Variants in EXOC6 observed in about 807,000 individuals in gnomAD.
EXOC6 encodes SEC15-like 1.
In EXOC6, 60 loss-of-function variants were observed where a neutral mutation model predicts 112.5. The ratio of observed to expected loss-of-function variants is 0.53; its 90% CI spans 0.43 to 0.66. The LOEUF (loss-of-function observed/expected upper bound fraction) is 0.66, where lower values mean the gene tolerates loss of function less well. Ranked by LOEUF, EXOC6 falls within the 30% of genes least tolerant of loss-of-function variation. The pLI is 0.00. For missense variants in EXOC6, 855 were observed against 957.1 expected, an observed-to-expected ratio of 0.89 and a Z score of 1.41; for synonymous variants, 295 against 308.0, an observed-to-expected ratio of 0.96 and a Z score of 0.44.
intron 1 of EXOC6, among the ~76,000 whole-genome samples, chr10:92,856,066 G>A (rs1035535798): frequency 1.3e-5 from 2 of 151,852 alleles, no homozygotes; most frequent in African/African-American, 2.4e-5. Context: ...GGTTTGCCAC[G>A]TTGGCCAGGC....
chr10:93,027,107 G>A (rs961924491), intron 20 of EXOC6, among the ~76,000 whole-genome samples: 4 of 152,196 alleles, frequency 2.6e-5, no homozygotes, highest in Non-Finnish European at 4.4e-5. Context: ...TTGCTGATAT[G>A]GAGAAAGTCC....
In EXOC6 at chr10:92,934,582, T is replaced by G. The variant is rs1589860765; in HGVS notation, c.1140+152T>G. The G allele has an allele frequency of 9.5e-6, 6 of 628,274 alleles. No homozygotes were observed. In the East Asian group the frequency reaches 2.0e-4, roughly 21 times the overall value. 38.9% of individuals were successfully genotyped at this position (628,274 alleles called of 1,614,324 possible). A position where few individuals can be genotyped will look rare whatever the true frequency, so the allele number is the denominator to read the frequency against. On this transcript the variant is annotated intron_variant, in intron 11 of 21. Transcript: ENST00000260762. ...GAAGTAGTAATGTCAGGCTTTTGTTTGGTAATATCAGACTATGATTTTGCA... is the reference window on the plus strand; with the variant it reads ...GAAGTAGTAATGTCAGGCTTTTGTTGGGTAATATCAGACTATGATTTTGCA...
chr10:92,955,381 T>A (rs1375429371), intron 16 of EXOC6, among the ~76,000 whole-genome samples, 199 bp from the exon 17 acceptor site: 6 of 149,352 alleles, frequency 4.0e-5, no homozygotes, highest in African/African-American at 1.3e-4. Flanking sequence ...TGTGTGTGTG[T>A]GTGTGTGTAT....
intron 17 of EXOC6, among the ~76,000 whole-genome samples, chr10:92,972,055 A>G (rs1325736941): frequency 6.6e-6 from 1 of 152,232 alleles, no homozygotes; most frequent in Non-Finnish European, 1.5e-5. Flanking sequence ...CTTAGTGGTC[A>G]TCTGGTGATT....
At chr10:92,866,380 TC>T (rs1277663202) in intron 1 of EXOC6, among the ~76,000 whole-genome samples, 1 of 152,126 alleles carries the variant, frequency 6.6e-6, no homozygotes, top group Non-Finnish European at 1.5e-5. Context: ...CTGAACACTT[TC>T]ATTAACATGT....
At chr10:92,881,740 A>G (rs907717697) in intron 1 of EXOC6, among the ~76,000 whole-genome samples, 3 of 152,132 alleles carry the variant, frequency 2.0e-5, no homozygotes, top group East Asian at 1.9e-4. Flanking sequence ...ATAATCCCCA[A>G]TAGTCATGAG....
At position 92,894,948 on chromosome 10, in the gene EXOC6, G is replaced by C. The variant is rs1307559248; in HGVS notation, c.340G>C (p.Asp114His). Reference sequence around the variant, plus strand: ...TTCTAAGGTGATAGTCCACACAGAAGATATCATTCGATGTAGAATTCAGCA... The same window carrying C: ...TTCTAAGGTGATAGTCCACACAGAACATATCATTCGATGTAGAATTCAGCA... ...AGKEVIVHTE[D>H]IIRCRIQQRN... is the part of the protein sequence containing the mutation. The change falls in exon 4 of 22, where the codon GAT becomes CAT. Residue 114 changes from aspartate (D) to histidine (H), a missense_variant. Asp to His is a moderately conservative substitution (Grantham distance 81, BLOSUM62 -1). Transcript: ENST00000260762. 6.2e-7 allele frequency: 1 copy of C among 1,611,962 alleles called. No homozygotes were observed. Among genetic ancestry groups the C allele is most frequent in the Non-Finnish European group, 8.5e-7 (1 of 1,178,280 alleles).
At chr10:92,829,309 T>C (rs1255209360) in intron 1 of EXOC6, among the ~76,000 whole-genome samples, 5 of 152,146 alleles carry the variant, frequency 3.3e-5, no homozygotes, top group Non-Finnish European at 5.9e-5. Context: ...CTCAAGCCTG[T>C]CTATAAAATC....
intron 20 of EXOC6, among the ~76,000 whole-genome samples, chr10:93,029,978 G>A (rs541797573): frequency 1.5e-4 from 23 of 150,926 alleles, no homozygotes; most frequent in South Asian, 1.0e-3. Context: ...GCGCGATCTC[G>A]GCTCACTGCA....
At chr10:92,956,182 T>C (rs563365011) in intron 17 of EXOC6, among the ~76,000 whole-genome samples, 8 of 152,236 alleles carry the variant, frequency 5.3e-5, no homozygotes, top group African/African-American at 1.9e-4. Flanking sequence ...TTGAATAATA[T>C]ACAGAATATA....
intron 1 of EXOC6, among the ~76,000 whole-genome samples, chr10:92,858,030 T>C (rs2422062): frequency 0.75 from 88,350 of 117,762 alleles, 35,531 homozygotes; most frequent in East Asian, 0.99. Context: ...GTTCCCCCCC[T>C]CCGCCGGCCA....
intron 20 of EXOC6, among the ~76,000 whole-genome samples, chr10:93,043,407 TC>T (rs1389603495): frequency 1.3e-5 from 2 of 152,216 alleles, no homozygotes; most frequent in Non-Finnish European, 2.9e-5. Context: ...AAAGAATACT[TC>T]CAGTTTTCTT....
upstream of EXOC6, among the ~76,000 whole-genome samples, chr10:92,833,443 G>A (rs1422696238): frequency 6.6e-6 from 1 of 152,198 alleles, no homozygotes; most frequent in Non-Finnish European, 1.5e-5. Context: ...GAACTCACAT[G>A]CTGTTATTTT....
intron 18 of EXOC6, among the ~76,000 whole-genome samples, chr10:92,989,081 T>C (rs1211784213): frequency 6.6e-6 from 1 of 152,238 alleles, no homozygotes; most frequent in Non-Finnish European, 1.5e-5. Context: ...GTTTGTAGAC[T>C]TGCCTTCTTT....
intron 20 of EXOC6, among the ~76,000 whole-genome samples, chr10:93,022,395 A>G (rs1844829810): frequency 6.6e-6 from 1 of 152,178 alleles, no homozygotes; most frequent in Non-Finnish European, 1.5e-5. Context: ...TATGCAGTGG[A>G]AGGGATCAGT....
intron 21 of EXOC6, among the ~76,000 whole-genome samples, chr10:93,057,578 A>G (rs1043623760): frequency 6.6e-6 from 1 of 152,152 alleles, no homozygotes; most frequent in Non-Finnish European, 1.5e-5. Flanking sequence ...TATGTGACAG[A>G]CTTTTTCTTT....
intron 15 of EXOC6, among the ~76,000 whole-genome samples, chr10:92,952,852 C>T (rs1412646071): frequency 6.6e-6 from 1 of 152,078 alleles, no homozygotes; most frequent in Non-Finnish European, 1.5e-5. Context: ...TCCAACATTG[C>T]TATCAATGGG....
intron 20 of EXOC6, among the ~76,000 whole-genome samples, chr10:93,021,790 A>G (rs1844807189): frequency 6.6e-6 from 1 of 152,234 alleles, no homozygotes; most frequent in Admixed American, 6.5e-5. Context: ...AGATGATTTG[A>G]GAATAATTCT....
At chr10:92,938,032 A>G (rs1393000476) in intron 12 of EXOC6, among the ~76,000 whole-genome samples, 1 of 152,166 alleles carries the variant, frequency 6.6e-6, no homozygotes, top group Non-Finnish European at 1.5e-5. Flanking sequence ...CAATATAGGT[A>G]GCAGCATCAA....
Sources: allele counts gnomAD v4.1 joint callset (sites outside exome capture counted in the v4.1 genomes callset), GRCh38; gene constraint gnomAD v4.1.1; transcripts MANE v1.5; gene names NCBI Gene and HGNC (gene_info 2026-07-23, HGNC 2026-07-21).